The following RBMS2 variants were observed in gnomAD, a reference collection of about 807,000 sequenced individuals.
RBMS2 encodes the protein RNA-binding motif, single-stranded-interacting protein 2.
Under a neutral mutation model 58.4 loss-of-function variants are expected in RBMS2, and 38 were observed. The observed-to-expected ratio is 0.65, with a 90% CI of 0.50 to 0.85. The LOEUF (loss-of-function observed/expected upper bound fraction) is 0.85, where lower values mean the gene tolerates loss of function less well. RBMS2 is among the 40% of genes least tolerant of loss of function. The probability of loss-of-function intolerance (pLI) is 0.00; values close to 1 mark genes in which losing one functional copy is unlikely to be tolerated. For missense variants in RBMS2, 367 were observed against 503.7 expected (o/e 0.73, Z 2.60); for synonymous variants, 151 against 180.7 (o/e 0.84, Z 1.32).
chr12:56,530,050 C>T (rs1313922309), intron 1 of RBMS2, among the ~76,000 whole-genome samples: 2 of 152,142 alleles, frequency 1.3e-5, no homozygotes, highest in Non-Finnish European at 2.9e-5. Flanking sequence ...GCTGGGATTA[C>T]AGCGCCACAT....
chr12:56,557,499 A>G (rs2136383713), intron 1 of RBMS2, among the ~76,000 whole-genome samples: 1 of 152,284 alleles, frequency 6.6e-6, no homozygotes, highest in South Asian at 2.1e-4. Context: ...CAAAAAGCCT[A>G]AAGAATTTAC....
chr12:56,588,434 C>T (rs527848558), intron 12 of RBMS2, 60 bp downstream of exon 12: 8 of 1,441,220 alleles, frequency 5.6e-6, no homozygotes, highest in Admixed American at 1.7e-5. Context: ...GCAGGTTTCC[C>T]CCTGATCAAG....
chr12:56,582,074 C>T lies in RBMS2; in HGVS notation c.795C>T (p.Pro265=), dbSNP rs1224391122. 2 of 1,611,754 alleles carry T rather than the reference C, an allele frequency of 1.2e-6. No homozygotes were observed. Among genetic ancestry groups the T allele is most frequent in the Non-Finnish European group, 1.7e-6 (2 of 1,178,616 alleles). Residue 265 remains proline (P), a synonymous_variant, in exon 9 of 14, where the codon CCC becomes CCT. Transcript: ENST00000262031. Reference sequence around the variant, plus strand: ...CTTCCCACAGGTTTTACCCAGCCCCCTATAACATCACCCCCAACAGGATGC... The same window carrying T: ...CTTCCCACAGGTTTTACCCAGCCCCTTATAACATCACCCCCAACAGGATGC... ...TALQNGFYPA[P]YNITPNRMLA...
intron 2 of RBMS2, 130 bp downstream of exon 2, chr12:56,562,713 G>T (rs2136422878): frequency 9.6e-7 from 1 of 1,046,890 alleles, no homozygotes; most frequent in Non-Finnish European, 1.4e-6. Flanking sequence ...TCAGTAGCTG[G>T]GATTACAGAT....
rs766494943 is a variant in RBMS2 at position 56,562,448 on chromosome 12, C to T, written c.98C>T (p.Pro33Leu). 127 of 1,609,022 alleles carry T rather than the reference C, an allele frequency of 7.9e-5. 1 individual carries two copies. The highest frequency in any genetic ancestry group is 1.0e-4 in the Non-Finnish European group (118 of 1,175,548). The change falls in exon 2 of 14, where the codon CCA (proline) becomes CTA (leucine). Residue 33 changes from proline (P) to leucine (L), a missense_variant. Pro to Leu is a moderately conservative substitution (Grantham distance 98). Transcript: ENST00000262031. ...GTGTCATTGGCTCAGCAGATGGCACCACCTAGCCCAAGCAACAGTACACCT... is the reference window on the plus strand; with the variant it reads ...GTGTCATTGGCTCAGCAGATGGCACTACCTAGCCCAAGCAACAGTACACCT... Reference protein sequence around the residue: ...PYVSLAQQMAPPSPSNSTPNS... With the variant: ...PYVSLAQQMALPSPSNSTPNS...
intron 2 of RBMS2, among the ~76,000 whole-genome samples, chr12:56,563,708 CAGA>C (rs1363605190): frequency 6.6e-6 from 1 of 152,074 alleles, no homozygotes; most frequent in Non-Finnish European, 1.5e-5. Flanking sequence ...GAGACCAAGG[CAGA>C]AGGATTGCTT....
intron 11 of RBMS2, among the ~76,000 whole-genome samples, chr12:56,588,005 C>T (rs1360458461): frequency 2.6e-5 from 4 of 152,186 alleles, no homozygotes; most frequent in Admixed American, 6.5e-5. Flanking sequence ...TTTAGGCCTA[C>T]TGCATTCCTT....
chr12:56,584,358 G>A (rs1030718423), intron 9 of RBMS2, among the ~76,000 whole-genome samples: 3 of 151,636 alleles, frequency 2.0e-5, no homozygotes, highest in Non-Finnish European at 4.4e-5. Flanking sequence ...GCTTGAGCCC[G>A]GAGATTGAGG....
intron 2 of RBMS2, among the ~76,000 whole-genome samples, chr12:56,563,950 C>T (rs1880881913): frequency 6.6e-6 from 1 of 151,982 alleles, no homozygotes; most frequent in African/African-American, 2.4e-5. Flanking sequence ...GAGTATCATA[C>T]TAATATAGGT....
rs1882004853 is a variant in RBMS2, at chr12:56,569,924, C to T, written c.318C>T (p.Ser106=). Residue 106 remains serine, a synonymous_variant, in exon 4 of 14, where the codon AGC becomes AGT. Transcript: ENST00000262031. ...CKGYGFVDFD[S]PSAAQKAVTA... is the part of the protein sequence containing the mutation. ...GCTATGGCTTTGTAGATTTTGACAG[C>T]CCTTCAGCAGCACAGAAAGCTGTAA... The T allele has an allele frequency of 1.2e-6, 2 of 1,613,878 alleles. No homozygotes were observed. Among genetic ancestry groups the T allele is most frequent in the Non-Finnish European group, 8.5e-7 (1 of 1,179,754 alleles).
rs1249962792 is a variant in RBMS2 at position 56,550,841 on chromosome 12, C to CA, written c.67-11569dup. 1.9e-3 allele frequency among the ~76,000 whole-genome samples: 253 copies of CA among 132,198 alleles called. 4 individuals are homozygous for CA. The highest frequency in any genetic ancestry group is 6.1e-3 in the East Asian group (27 of 4,432). The allele number at this position is 132,198 out of a possible 152,430, so 86.7% of individuals were successfully genotyped here. On this transcript the variant is annotated intron_variant, in intron 1 of 13. Coordinates refer to ENST00000262031, the MANE Select transcript of RBMS2 (RefSeq NM_002898.4). ...TGGGTGACAGAGCAAGACTCTGTAT[C>CA]AAAAAAATAAATAAATAAATAAATA...
intron 1 of RBMS2, among the ~76,000 whole-genome samples, chr12:56,534,684 C>G (rs1019984368): frequency 2.0e-5 from 3 of 152,114 alleles, no homozygotes; most frequent in African/African-American, 7.2e-5. Context: ...CTCTGTCGCC[C>G]AGGCTGGAGT....
At chr12:56,555,149 C>G (rs1287478092) in intron 1 of RBMS2, among the ~76,000 whole-genome samples, 1 of 151,798 alleles carries the variant, frequency 6.6e-6, no homozygotes, top group African/African-American at 2.4e-5. Context: ...CCCTCAACAT[C>G]TTGAGGACTA....
Position 56,595,394 on chromosome 12 carries a change from A to G in RBMS2, c.*6261A>G, listed in dbSNP as rs1017084866. 3.3e-5 allele frequency: 5 copies of G among 152,176 alleles called. No individual in the cohort carries two copies. The highest frequency in any genetic ancestry group is 3.3e-4 in the Admixed American group (5 of 15,278). The allele number at this position is 152,176 out of a possible 1,614,324, so 9.4% of individuals were successfully genotyped here. On this transcript the variant is annotated 3_prime_UTR_variant, in exon 14 of 14. Transcript: ENST00000262031. ...CTTTGCATGTGGACAGAAAATGTTTATACTTAAACAGACATATTTTGCATA... is the reference window on the plus strand; with the variant it reads ...CTTTGCATGTGGACAGAAAATGTTTGTACTTAAACAGACATATTTTGCATA...
At chr12:56,562,891 G>C (rs1209116501) in intron 2 of RBMS2, among the ~76,000 whole-genome samples, 1 of 152,190 alleles carries the variant, frequency 6.6e-6, no homozygotes, top group African/African-American at 2.4e-5. Flanking sequence ...GGGAGGCCTA[G>C]GCGGGCGGAT....
intron 5 of RBMS2, among the ~76,000 whole-genome samples, chr12:56,577,437 A>G (rs78406826): frequency 0.035 from 5,252 of 149,682 alleles, 294 homozygotes; most frequent in African/African-American, 0.12. Context: ...AAATAAAATA[A>G]AATAAAATGT....
intron 1 of RBMS2, among the ~76,000 whole-genome samples, chr12:56,536,025 AC>A (rs1874732206): frequency 6.6e-6 from 1 of 151,964 alleles, no homozygotes; most frequent in South Asian, 2.1e-4. Flanking sequence ...ACATGGCGAA[AC>A]CCTGTCTCTA....
At chr12:56,574,649 G>A (rs1343601504) in intron 5 of RBMS2, among the ~76,000 whole-genome samples, 1 of 152,146 alleles carries the variant, frequency 6.6e-6, no homozygotes, top group South Asian at 2.1e-4. Context: ...TGGCTTTAGA[G>A]ACTTTTGAAA....
At chr12:56,570,387 C>T (rs973110967) in intron 4 of RBMS2, among the ~76,000 whole-genome samples, 2 of 152,122 alleles carry the variant, frequency 1.3e-5, no homozygotes, top group Admixed American at 1.3e-4. Flanking sequence ...TCTCCACCTC[C>T]TAATGTTGTT....
Sources: allele counts gnomAD v4.1 joint callset (sites outside exome capture counted in the v4.1 genomes callset), GRCh38; gene constraint gnomAD v4.1.1; transcripts MANE v1.5; gene names NCBI Gene and HGNC (gene_info 2026-07-23, HGNC 2026-07-21).